The following NDUFAF7 variants were observed in gnomAD, a reference collection of about 807,000 sequenced individuals.
NDUFAF7 encodes protein arginine methyltransferase NDUFAF7, mitochondrial.
In NDUFAF7, 48 loss-of-function variants were observed where a neutral mutation model predicts 47.2. The observed-to-expected ratio is 1.02, with a 90% CI of 0.81 to 1.29. The LOEUF (loss-of-function observed/expected upper bound fraction) is 1.29, where lower values mean the gene tolerates loss of function less well. Among genes scored for constraint, NDUFAF7 ranks in the 50% most tolerant of loss-of-function variants. NDUFAF7 has a pLI of 0.00. For missense variants in NDUFAF7, 635 were observed against 537.6 expected (o/e 1.18, Z -1.79); for synonymous variants, 217 against 190.0 (o/e 1.14, Z -1.17).
intron 1 of NDUFAF7, 164 bp downstream of exon 1, chr2:37,231,924 G>T: frequency 6.3e-7 from 1 of 1,593,532 alleles, no homozygotes. Context: ...CAATAGGGCT[G>T]CGTAGTCGTG....
downstream of NDUFAF7, among the ~76,000 whole-genome samples, chr2:37,255,184 T>C (rs1298019709): frequency 6.6e-6 from 1 of 152,232 alleles, no homozygotes; most frequent in Non-Finnish European, 1.5e-5. Flanking sequence ...ACATCTCTTA[T>C]GAGCTTCTTC....
chr2:37,261,644 G>C, the NDUFAF7 span, among the ~76,000 whole-genome samples: 1 of 151,876 alleles, frequency 6.6e-6, no homozygotes, highest in Non-Finnish European at 1.5e-5. Flanking sequence ...GCCGGGTGTG[G>C]TGGCGCAAGC....
chr2:37,253,203 G>A (rs1405989889), downstream of NDUFAF7: 2 of 1,609,236 alleles, frequency 1.2e-6, no homozygotes, highest in Non-Finnish European at 1.7e-6. Context: ...ATATCATCTG[G>A]ATTAGGAGCC....
At chr2:37,264,016 T>C in the NDUFAF7 span, among the ~76,000 whole-genome samples, 3 of 152,162 alleles carry the variant, frequency 2.0e-5, no homozygotes, top group Admixed American at 1.3e-4. Context: ...ACCACACCTT[T>C]TCTCCCACTA....
At chr2:37,249,558 GACACACACACAC>G (rs56374800), downstream of NDUFAF7, among the ~76,000 whole-genome samples, 9,854 of 128,346 alleles carry the variant, frequency 0.077, 764 homozygotes, top group East Asian at 0.31. Context: ...GCCTGTGATA[GACACACACACAC>G]ACACACACAC....
At chr2:37,247,808 GA>G (rs1309759221) in intron 9 of NDUFAF7, among the ~76,000 whole-genome samples, 179 bp downstream of exon 9, 1 of 152,152 alleles carries the variant, frequency 6.6e-6, no homozygotes, top group African/African-American at 2.4e-5. Context: ...ATCTCCATGG[GA>G]GGTAGCATTA....
chr2:37,257,666 CAAAAGA>C (rs1157049545), downstream of NDUFAF7, among the ~76,000 whole-genome samples: 402 of 62,366 alleles, frequency 6.4e-3, 2 homozygotes, highest in African/African-American at 0.013. Context: ...GACTCTGTCT[CAAAAGA>C]AAAAAAAAAA....
downstream of NDUFAF7, chr2:37,252,847 T>TTTTTATATA (rs143440093): frequency 2.1e-5 from 3 of 145,014 alleles, no homozygotes; most frequent in Non-Finnish European, 4.5e-5. Flanking sequence ...ATATTTATAT[T>TTTTTATATA]TATATATATA....
chr2:37,233,871 T>C (rs1392393699), intron 2 of NDUFAF7, among the ~76,000 whole-genome samples: 1 of 152,182 alleles, frequency 6.6e-6, no homozygotes, highest in East Asian at 1.9e-4. Flanking sequence ...ATTATACCTT[T>C]ATTTTCACTA....
At chr2:37,238,872 C>T (rs1168705079) in intron 4 of NDUFAF7, among the ~76,000 whole-genome samples, 1 of 112,338 alleles carries the variant, frequency 8.9e-6, no homozygotes, top group Non-Finnish European at 1.8e-5. Context: ...CAAGTCCATT[C>T]ATAAAAGAGG....
intron 7 of NDUFAF7, among the ~76,000 whole-genome samples, chr2:37,244,945 C>G (rs568684494): frequency 7.9e-5 from 12 of 152,222 alleles, no homozygotes; most frequent in African/African-American, 2.6e-4. Flanking sequence ...TATTCTCTTT[C>G]ACTTGAATGA....
At chr2:37,257,134 T>C (rs1189264696), downstream of NDUFAF7, among the ~76,000 whole-genome samples, 1 of 152,208 alleles carries the variant, frequency 6.6e-6, no homozygotes, top group Non-Finnish European at 1.5e-5. Context: ...ACTGACACAG[T>C]ATGAAGAGCT....
chr2:37,242,974 G>T (rs1305185199), intron 6 of NDUFAF7, among the ~76,000 whole-genome samples: 2 of 152,042 alleles, frequency 1.3e-5, no homozygotes, highest in African/African-American at 4.8e-5. Context: ...GTGCAATGAA[G>T]GATTTACTTA....
the NDUFAF7 span, among the ~76,000 whole-genome samples, chr2:37,270,909 T>C: frequency 6.6e-6 from 1 of 152,230 alleles, no homozygotes; most frequent in Non-Finnish European, 1.5e-5. Context: ...CCCCATGACA[T>C]GGATGGAGAT....
At chr2:37,266,195 A>G in the NDUFAF7 span, among the ~76,000 whole-genome samples, 2 of 152,332 alleles carry the variant, frequency 1.3e-5, no homozygotes, top group African/African-American at 4.8e-5. Flanking sequence ...AAATGTTACT[A>G]TTAGCAACAA....
the NDUFAF7 span, chr2:37,269,639 C>G: frequency 6.2e-7 from 1 of 1,613,216 alleles, no homozygotes; most frequent in South Asian, 1.1e-5. Context: ...CCAAACTGGC[C>G]TGAACCAAGC....
At chr2:37,261,336 A>ATCCTGACGGAG in the NDUFAF7 span, among the ~76,000 whole-genome samples, 1 of 152,050 alleles carries the variant, frequency 6.6e-6, no homozygotes, top group Non-Finnish European at 1.5e-5. Context: ...AAAATACAAA[A>ATCCTGACGGAG]ACTAACCAGG....
At chr2:37,233,996 A>G (rs12712528) in intron 2 of NDUFAF7, among the ~76,000 whole-genome samples, 74,552 of 152,080 alleles carry the variant, frequency 0.49, 19,025 homozygotes, top group East Asian at 0.78. Flanking sequence ...CCTTATCACA[A>G]TACAGTGATC....
downstream of NDUFAF7, chr2:37,252,835 ATATATT>A (rs1049586241): frequency 6.9e-5 from 7 of 102,042 alleles, no homozygotes; most frequent in African/African-American, 1.6e-4. Flanking sequence ...ACAAACAAAC[ATATATT>A]TATATTTATA....
Sources: allele counts gnomAD v4.1 joint callset (sites outside exome capture counted in the v4.1 genomes callset), GRCh38; gene constraint gnomAD v4.1.1; transcripts MANE v1.5; gene names NCBI Gene and HGNC (gene_info 2026-07-23, HGNC 2026-07-21).